Variants in CEP152 observed in about 807,000 individuals in gnomAD.
The protein encoded by CEP152 is centrosomal protein 152.
Under a neutral mutation model 188.9 loss-of-function variants are expected in CEP152, and 132 were observed. The observed-to-expected ratio is 0.70, with a 90% CI of 0.61 to 0.81. CEP152 has a LOEUF of 0.81. Among genes scored for constraint, CEP152 ranks in the 30% least tolerant of loss-of-function variants. The pLI is 0.00. For synonymous variants in CEP152, 649 were observed against 666.6 expected, an observed-to-expected ratio of 0.97 and a Z score of 0.41; for missense variants, 1,914 against 1,969.8, an observed-to-expected ratio of 0.97 and a Z score of 0.54.
At chr15:48,797,196 A>C (rs1897349672) in intron 5 of CEP152, 105 bp downstream of exon 5, 11 of 1,336,786 alleles carry the variant, frequency 8.2e-6, no homozygotes, top group Non-Finnish European at 1.2e-5. Context: ...CGTGTGGTTA[A>C]ATCATCTTAC....
At chr15:48,764,925 C>T (rs1050120769) in intron 17 of CEP152, among the ~76,000 whole-genome samples, 1 of 151,826 alleles carries the variant, frequency 6.6e-6, no homozygotes, top group Non-Finnish European at 1.5e-5. Context: ...GGAAGAGCTA[C>T]CCCAGAAGTG....
At chr15:48,748,704 A>G in intron 21 of CEP152, 94 bp from the exon 22 acceptor site, 1 of 1,277,020 alleles carries the variant, frequency 7.8e-7, no homozygotes, top group Non-Finnish European at 1.0e-6. Flanking sequence ...AAAGCAGATG[A>G]CTCATGACTA....
Position 48,756,419 on chromosome 15 carries a change from T to C in CEP152, c.2829A>G (p.Glu943=). 6.2e-7 allele frequency: 1 copy of C among 1,613,670 alleles called. No individual in the cohort carries two copies. Among genetic ancestry groups the C allele is most frequent in the Non-Finnish European group, 8.5e-7 (1 of 1,179,768 alleles). ...CAGCCCTGATGACCACAGGGACTTC[T>C]TCGTTCTTTAACTCAAGTTCCTTCT... ...SLQKELELKN[E]EVPVVIRAEL... The change falls in exon 20 of 27, where the codon GAA becomes GAG. Residue 943 remains glutamate, a synonymous_variant. Transcript: ENST00000380950.
Position 48,772,275 on chromosome 15 carries a change from G to C in CEP152, c.1782+212C>G, listed in dbSNP as rs7175179. ...AAAATTTAAAAATTAGCCAGGCATA[G>C]TGGCGTGCGCCTGTGGTCCCAGCTA... is the stretch of plus-strand genomic sequence containing the variant. On this transcript the variant is annotated intron_variant, in intron 13 of 26. Coordinates refer to ENST00000380950, the MANE Select transcript of CEP152 (RefSeq NM_001194998.2). Among the ~76,000 whole-genome samples, 2,372 of 152,190 alleles carry C rather than the reference G, an allele frequency of 0.016. 69 individuals are homozygous for C. The highest frequency in any genetic ancestry group is 0.054 in the African/African-American group (2,243 of 41,490).
Position 48,772,487 on chromosome 15 carries a change from C to T in CEP152, c.1782G>A (p.Glu594=), listed in dbSNP as rs1347666875. The T allele has an allele frequency of 1.9e-6, 3 of 1,610,662 alleles. No individual in the cohort carries two copies. The highest frequency in any genetic ancestry group is 1.7e-6 in the Non-Finnish European group (2 of 1,179,278). The change falls in exon 13 of 27, where the codon GAG becomes GAA. Residue 594 remains glutamate, a splice_region_variant and synonymous_variant. Transcript: ENST00000380950. ...VKKDEKSIEV[E]TKTDTSEKPK... ...TTTTAACTCTATAGGCTTTACATAC[C>T]TCAACCTCAATGCTTTTTTCATCCT...
intron 19 of CEP152, among the ~76,000 whole-genome samples, chr15:48,757,121 A>G (rs1397246509): frequency 6.6e-6 from 1 of 152,152 alleles, no homozygotes; most frequent in Non-Finnish European, 1.5e-5. Context: ...AGAAAAAAAC[A>G]GGTAGTACAT....
rs751499066 is a variant in CEP152, at chr15:48,772,584, T to A, written c.1685A>T (p.His562Leu). The A allele has an allele frequency of 6.2e-7, 1 of 1,614,112 alleles. No homozygotes were observed. Reference sequence around the variant, plus strand: ...GTCATTTTGTAACTGAGACACCAGATGACGCTTCATTGAGTTGCTACCCAG... The same window carrying A: ...GTCATTTTGTAACTGAGACACCAGAAGACGCTTCATTGAGTTGCTACCCAG... ...RLLGSNSMKR[H>L]LVSQLQNDLK... Residue 562 changes from histidine to leucine, a missense_variant, in exon 13 of 27, where the codon CAT becomes CTT. By Grantham distance (99) the His-to-Leu change is moderately conservative. Coordinates refer to ENST00000380950, the MANE Select transcript of CEP152 (RefSeq NM_001194998.2).
downstream of CEP152, among the ~76,000 whole-genome samples, chr15:48,733,230 GGGT>G (rs1275624607): frequency 1.8e-4 from 27 of 152,094 alleles, no homozygotes; most frequent in Admixed American, 7.9e-4. Context: ...TATAAAGAAG[GGGT>G]GACTGTTTGG....
intron 22 of CEP152, among the ~76,000 whole-genome samples, chr15:48,746,553 TTTCTGG>T (rs1424428446): frequency 1.3e-5 from 2 of 152,148 alleles, no homozygotes; most frequent in Non-Finnish European, 2.9e-5. Context: ...CTTAAAACCC[TTTCTGG>T]TCTTAAAGTA....
intron 22 of CEP152, among the ~76,000 whole-genome samples, chr15:48,746,380 T>C (rs1893424731): frequency 6.6e-6 from 1 of 152,170 alleles, no homozygotes; most frequent in African/African-American, 2.4e-5. Flanking sequence ...CTTATCGCCA[T>C]ATTCTGTAAA....
chr15:48,763,509 A>G (rs561067579), intron 17 of CEP152, among the ~76,000 whole-genome samples: 26 of 152,172 alleles, frequency 1.7e-4, no homozygotes, highest in African/African-American at 5.3e-4. Context: ...CCCCATCTCT[A>G]CTAAAAATAT....
At position 48,784,036 on chromosome 15, in the gene CEP152, T is replaced by A. The variant is rs776999918; in HGVS notation, c.1258A>T (p.Ile420Phe). The A allele has an allele frequency of 5.8e-5, 94 of 1,613,688 alleles. No individual in the cohort carries two copies. Among genetic ancestry groups the A allele is most frequent in the Non-Finnish European group, 7.5e-5 (88 of 1,179,844 alleles). Residue 420 changes from isoleucine (I) to phenylalanine (F), a missense_variant, in exon 10 of 27, where the codon ATT (isoleucine) becomes TTT (phenylalanine). By Grantham distance (21) the Ile-to-Phe change is conservative. Coordinates refer to ENST00000380950, the MANE Select transcript of CEP152 (RefSeq NM_001194998.2). ...EAIKLEKTEI[I>F]NKLTRSLEES... ...TCTAGACTTCTTGTCAACTTATTAA[T>A]GATCTCAGTCTTTTCTAACTTGATT...
At chr15:48,791,767 T>C (rs1268549161) in intron 7 of CEP152, among the ~76,000 whole-genome samples, 1 of 151,966 alleles carries the variant, frequency 6.6e-6, no homozygotes, top group Non-Finnish European at 1.5e-5. Flanking sequence ...TCCACCCACC[T>C]TGGCCTCCCA....
chr15:48,780,133 G>C lies in CEP152; in HGVS notation c.1577+1063C>G, dbSNP rs987976795. On this transcript the variant is annotated intron_variant, in intron 12 of 26. Coordinates refer to ENST00000380950, the MANE Select transcript of CEP152 (RefSeq NM_001194998.2). ...AGTACAAATAAATCTAAGTCAATAT[G>C]GTCCTGGGATAAGAACTTGAAGGTG... Among the ~76,000 whole-genome samples, 16 of 152,226 alleles carry C rather than the reference G, an allele frequency of 1.1e-4. No homozygotes were observed. In the East Asian group the frequency reaches 3.1e-3, roughly 29 times the overall value.
At chr15:48,798,476 A>C (rs531102528) in intron 2 of CEP152, among the ~76,000 whole-genome samples, 2 of 152,286 alleles carry the variant, frequency 1.3e-5, no homozygotes, top group Admixed American at 1.3e-4. Flanking sequence ...GAGTAGCCAG[A>C]TGCACTCTGG....
chr15:48,765,507 T>C (rs1894996590), intron 17 of CEP152: 2 of 364,062 alleles, frequency 5.5e-6, no homozygotes, highest in African/African-American at 2.3e-5. Context: ...TATCAGTCAA[T>C]AGCAGATACT....
At chr15:48,796,245 T>C (rs1897283443) in intron 5 of CEP152, 85 bp from the exon 6 acceptor site, 2 of 1,467,016 alleles carry the variant, frequency 1.4e-6, no homozygotes, top group African/African-American at 2.8e-5. Context: ...TAATGTTACG[T>C]TACAGAACTT....
intron 19 of CEP152, among the ~76,000 whole-genome samples, chr15:48,757,666 C>T (rs1243028293): frequency 3.3e-5 from 5 of 152,088 alleles, no homozygotes; most frequent in Non-Finnish European, 7.4e-5. Flanking sequence ...ATGGTGGTTA[C>T]CATTGATCAA....
intron 24 of CEP152, among the ~76,000 whole-genome samples, chr15:48,743,478 C>T (rs1019798818): frequency 6.6e-6 from 1 of 152,250 alleles, no homozygotes; most frequent in South Asian, 2.1e-4. Flanking sequence ...CTGGTACTGA[C>T]AAGGACTTGA....
Sources: allele counts gnomAD v4.1 joint callset (sites outside exome capture counted in the v4.1 genomes callset), GRCh38; gene constraint gnomAD v4.1.1; transcripts MANE v1.5; gene names NCBI Gene and HGNC (gene_info 2026-07-23, HGNC 2026-07-21).